Variants in IGSF9B observed in about 807,000 individuals in gnomAD.
IGSF9B encodes the protein protein turtle homolog B.
A neutral mutation model predicts 143.7 loss-of-function variants in IGSF9B; 48 were observed. The ratio of observed to expected loss-of-function variants is 0.33; its 90% CI spans 0.26 to 0.42. IGSF9B has a LOEUF of 0.42. IGSF9B is among the 20% of genes least tolerant of loss of function. The probability of loss-of-function intolerance (pLI) is 1.00; values close to 1 mark genes in which losing one functional copy is unlikely to be tolerated. For missense variants in IGSF9B, 1,706 were observed against 1,980.0 expected (o/e 0.86, Z 2.63); for synonymous variants, 903 against 833.1 (o/e 1.08, Z -1.44).
intron 3 of IGSF9B, among the ~76,000 whole-genome samples, chr11:133,943,316 A>G (rs1471328489): frequency 6.6e-6 from 1 of 152,318 alleles, no homozygotes; most frequent in African/African-American, 2.4e-5. Context: ...ACAAAACGAA[A>G]TGTTTTTTAA....
chr11:133,918,912 G>A (rs989942539), intron 18 of IGSF9B: 3 of 456,772 alleles, frequency 6.6e-6, no homozygotes, highest in Non-Finnish European at 1.3e-5. Context: ...GAAGATAGGA[G>A]AGAGAAAGAC....
At chr11:133,922,334 C>T in intron 16 of IGSF9B, 112 bp from the exon 17 acceptor site, 1 of 1,100,886 alleles carries the variant, frequency 9.1e-7, no homozygotes, top group Non-Finnish European at 1.3e-6. Flanking sequence ...GAAGGAGCTG[C>T]TCACAGTGGG....
rs1447823675 is a variant in IGSF9B at position 133,928,798 on chromosome 11, C to A, written c.1631+873G>T. ...GCACATTTTTGAGATCTGTATCTACCCTAAGGTTTGCGCAAAGACCTCATA... is the reference window on the plus strand; with the variant it reads ...GCACATTTTTGAGATCTGTATCTACACTAAGGTTTGCGCAAAGACCTCATA... On this transcript the variant is annotated intron_variant, in intron 12 of 19. Coordinates refer to ENST00000533871, the MANE Select transcript of IGSF9B (RefSeq NM_001277285.4). This position sits in a 1 kb window ranked among gnomAD's most constrained non-coding sequence, Gnocchi z 4.7. Among the ~76,000 whole-genome samples the A allele has an allele frequency of 1.3e-5, 2 of 152,144 alleles. No homozygotes were observed. The highest frequency in any genetic ancestry group is 2.4e-5 in the African/African-American group (1 of 41,424).
At chr11:133,922,064 A>T in intron 17 of IGSF9B, 113 bp downstream of exon 17, 3 of 852,334 alleles carry the variant, frequency 3.5e-6, no homozygotes, top group Non-Finnish European at 5.8e-6. Context: ...CACACAGGTC[A>T]ATCAAGAAGA....
Position 133,925,883 on chromosome 11 carries a change from C to T in IGSF9B, c.1890G>A (p.Val630=). 1 of 1,613,074 alleles carries T rather than the reference C, an allele frequency of 6.2e-7. No individual in the cohort carries two copies. Among genetic ancestry groups the T allele is most frequent in the Non-Finnish European group, 8.5e-7 (1 of 1,179,560 alleles). ...TGGCAGGCGGAAGCCAGGACAGGAG[C>T]ACACCCTGCTGAGTCCGATTGGCTA... ...CLIANRTQQG[V]LLSWLPPANH... is the part of the protein sequence containing the mutation. Residue 630 remains valine (V), a synonymous_variant, in exon 14 of 20, where the codon GTG becomes GTA. Transcript: ENST00000533871.
Position 133,908,184 on chromosome 11 carries a change from C to G in IGSF9B, c.*885G>C, listed in dbSNP as rs1939240338. 6.6e-6 allele frequency among the ~76,000 whole-genome samples: 1 copy of G among 152,188 alleles called. No individual in the cohort carries two copies. Among genetic ancestry groups the G allele is most frequent in the Non-Finnish European group, 1.5e-5 (1 of 68,028 alleles). On this transcript the variant is annotated 3_prime_UTR_variant, in exon 20 of 20. Transcript: ENST00000533871. Reference sequence around the variant, plus strand: ...TGTGCACCAGAGGCTTGCTTTAGCCCCGCGGCTGAGTTAGCCTCTACTCCT... The same window carrying G: ...TGTGCACCAGAGGCTTGCTTTAGCCGCGCGGCTGAGTTAGCCTCTACTCCT...
rs375449983 is a variant in IGSF9B at position 133,920,063 on chromosome 11, C to G, written c.3662G>C (p.Arg1221Pro). ...SRTGSPELAA[R>P]ARPRPGLLQQ... The stretch of plus-strand genomic sequence containing the variant: ...CAGGAGGCCCGGGCGAGGCCGGGCA[C>G]GGGCGGCGAGCTCAGGGGAGCCGGT... Residue 1221 changes from arginine to proline, a missense_variant, in exon 18 of 20, where the codon CGT becomes CCT. Transcript: ENST00000533871. The G allele has an allele frequency of 6.5e-7, 1 of 1,542,362 alleles. No individual in the cohort carries two copies. Among genetic ancestry groups the G allele is most frequent in the South Asian group, 1.2e-5 (1 of 80,390 alleles).
Position 133,904,070 on chromosome 11 carries a change from A to C in IGSF9B, c.*4999T>G, listed in dbSNP as rs1413732709. ...CACAGACTAGTGACTTTAGCCTATC[A>C]AAAGAAGAGAAAGTAAAGAGAAGGC... On this transcript the variant is annotated 3_prime_UTR_variant, in exon 20 of 20. Transcript: ENST00000533871. 1.3e-5 allele frequency among the ~76,000 whole-genome samples: 2 copies of C among 152,186 alleles called. No homozygotes were observed. Among genetic ancestry groups the C allele is most frequent in the East Asian group, 3.9e-4 (2 of 5,194 alleles).
At chr11:133,916,781 G>A (rs1939390236) in intron 18 of IGSF9B, among the ~76,000 whole-genome samples, 1 of 152,180 alleles carries the variant, frequency 6.6e-6, no homozygotes, top group South Asian at 2.1e-4. Context: ...GTGAGAGCTA[G>A]TCTAGGGCTC....
rs1044378869 is a variant in IGSF9B at position 133,905,820 on chromosome 11, G to A, written c.*3249C>T. Among the ~76,000 whole-genome samples the A allele has an allele frequency of 1.3e-5, 2 of 152,208 alleles. No individual in the cohort carries two copies. Among genetic ancestry groups the A allele is most frequent in the Non-Finnish European group, 2.9e-5 (2 of 68,034 alleles). On this transcript the variant is annotated 3_prime_UTR_variant, in exon 20 of 20. Transcript: ENST00000533871. This position sits in a 1 kb window ranked among gnomAD's most constrained non-coding sequence, Gnocchi z 4.0. ...CCCCAACAATCCAGCACAGGACCCC[G>A]CTCAGCACCAGGGAGCCCACGGCAG...
intron 18 of IGSF9B, among the ~76,000 whole-genome samples, chr11:133,914,291 C>T (rs74526114): frequency 0.044 from 6,632 of 152,204 alleles, 453 homozygotes; most frequent in African/African-American, 0.14. Flanking sequence ...TGGGAAAGAG[C>T]CAAGACTCTT....
rs766794107 is a variant in IGSF9B at position 133,903,873 on chromosome 11, G to A, written c.*5196C>T. ...AGCCAAACAGCAAGCTGGTAAGAGT[G>A]CGAAAGTCCAATCTGGGCTTTGATC... On this transcript the variant is annotated 3_prime_UTR_variant, in exon 20 of 20. Transcript: ENST00000533871. Among the ~76,000 whole-genome samples the A allele has an allele frequency of 3.3e-5, 5 of 152,166 alleles. No homozygotes were observed. Among genetic ancestry groups the A allele is most frequent in the Non-Finnish European group, 7.3e-5 (5 of 68,040 alleles).
chr11:133,919,191 G>A (rs954304461), intron 18 of IGSF9B: 5 of 392,568 alleles, frequency 1.3e-5, no homozygotes, highest in African/African-American at 2.1e-5. Flanking sequence ...TCCAGGAGAG[G>A]CTGAGGAGGG....
intron 1 of IGSF9B, among the ~76,000 whole-genome samples, chr11:133,947,947 A>T (rs1940086264): frequency 2.7e-5 from 4 of 150,196 alleles, no homozygotes; most frequent in African/African-American, 7.4e-5. Context: ...CTCCTTCACC[A>T]TGTCTTTCTG....
At chr11:133,923,584 G>A (rs929598284) in intron 15 of IGSF9B, among the ~76,000 whole-genome samples, 4 of 152,232 alleles carry the variant, frequency 2.6e-5, no homozygotes, top group Non-Finnish European at 5.9e-5. Flanking sequence ...AGCAAAGGCA[G>A]AATCGATAGA....
rs1326476694 is a variant in IGSF9B, at chr11:133,927,083, C to T, written c.1640G>A (p.Arg547Gln). 1.8e-5 allele frequency: 28 copies of T among 1,553,370 alleles called. No homozygotes were observed. Among genetic ancestry groups the T allele is most frequent in the South Asian group, 2.4e-5 (2 of 84,228 alleles). The stretch of plus-strand genomic sequence containing the variant: ...CCAGTCATGGGGCCCAAACTGTGCC[C>T]GCTTCATCCTGGCCAAAAGAGAGAG... ...YEQTFSVWMK[R>Q]AQFGPHDWLS... The change falls in exon 13 of 20, where the codon CGG becomes CAG. Residue 547 changes from arginine to glutamine, a missense_variant. By Grantham distance (43) the Arg-to-Gln change is conservative. This residue lies in a region of IGSF9B where 267 missense variants were observed against 321.1 expected (regional missense o/e 0.83). Transcript: ENST00000533871.
Position 133,953,987 on chromosome 11 carries a change from G to T in IGSF9B, c.64+2704C>A, listed in dbSNP as rs1591729252. ...TGTCCCGCACCCGAGGGCTGATGGA[G>T]TCGGGTCCCAACACAACATCATCCC... On this transcript the variant is annotated intron_variant, in intron 1 of 19. Coordinates refer to ENST00000533871, the MANE Select transcript of IGSF9B (RefSeq NM_001277285.4). The surrounding 1 kb of genome is among the most constrained non-coding windows in gnomAD (Gnocchi z 4.2). 6.6e-6 allele frequency among the ~76,000 whole-genome samples: 1 copy of T among 152,312 alleles called. No homozygotes were observed. The highest frequency in any genetic ancestry group is 2.4e-5 in the African/African-American group (1 of 41,566).
Position 133,920,973 on chromosome 11 carries a change from T to C in IGSF9B, c.2752A>G (p.Ser918Gly), listed in dbSNP as rs780633188. 17 of 1,610,748 alleles carry C rather than the reference T, an allele frequency of 1.1e-5. No homozygotes were observed. In the South Asian group the frequency reaches 1.9e-4, roughly 18 times the overall value. The change falls in exon 18 of 20, where the codon AGC (serine) becomes GGC (glycine). Residue 918 changes from serine (S) to glycine (G), a missense_variant. Ser to Gly is a moderately conservative substitution (Grantham distance 56). Transcript: ENST00000533871. ...LKSQLTPLSS[S>G]QESYLPPPAY... is the part of the protein sequence containing the mutation. ...GGTGGTGGCAGGTAGGACTCCTGGC[T>C]GGATGACAGAGGGGTGAGCTGGGAC...
intron 18 of IGSF9B, among the ~76,000 whole-genome samples, chr11:133,912,655 T>C (rs1939319538): frequency 6.6e-6 from 1 of 152,192 alleles, no homozygotes; most frequent in Admixed American, 6.5e-5. Context: ...TCAGCTCTCC[T>C]CGGCCATGTA....
Sources: gnomAD v4.1 joint callset for allele counts (sites outside exome capture counted in the v4.1 genomes callset) on GRCh38, gnomAD v4.1.1 for gene constraint, gnomAD v4.1.1 regional missense constraint, Gnocchi (gnomAD v3.1) non-coding constraint, MANE v1.5 for transcripts, NCBI Gene and HGNC (gene_info 2026-07-23, HGNC 2026-07-21) for gene names.